MAN2A1: variants seen among roughly 807,000 people sequenced by gnomAD.
MAN2A1 encodes mannosidase alpha class 2A member 1, also known as alpha-mannosidase 2.
A neutral mutation model predicts 142.6 loss-of-function variants in MAN2A1; 76 were observed. The ratio of observed to expected loss-of-function variants is 0.53; its 90% CI spans 0.44 to 0.65. The LOEUF (loss-of-function observed/expected upper bound fraction) is 0.65, where lower values mean the gene tolerates loss of function less well. Among genes scored for constraint, MAN2A1 ranks in the 30% least tolerant of loss-of-function variants. The pLI is 0.00. For synonymous variants in MAN2A1, 559 were observed against 473.2 expected (o/e 1.18, Z -2.35); for missense variants, 1,311 against 1,365.1 (o/e 0.96, Z 0.62).
In MAN2A1 at chr5:109,789,009, C is replaced by A; in HGVS notation, c.1836C>A (p.Leu612=). The A allele has an allele frequency of 6.2e-7, 1 of 1,602,060 alleles. No individual in the cohort carries two copies. The highest frequency in any genetic ancestry group is 8.5e-7 in the Non-Finnish European group (1 of 1,170,676). ...TTCTTCTTATTTTGAAGGACAAACT[C>A]ACATACGACTCTTACTCTCCTGATA... The part of the protein sequence containing the change: ...SAFLLILKDK[L]TYDSYSPDTF... The change falls in exon 11 of 22, where the codon CTC becomes CTA. Residue 612 remains leucine, a synonymous_variant. Transcript: ENST00000261483.
intron 1 of MAN2A1, among the ~76,000 whole-genome samples, chr5:109,694,167 C>T (rs77409455): frequency 0.02 from 3,083 of 152,092 alleles, 53 homozygotes; most frequent in Non-Finnish European, 0.031. Context: ...AGCATATGAC[C>T]GTAGAGATTA....
chr5:109,694,008 T>C lies in MAN2A1; in HGVS notation c.135+3456T>C, dbSNP rs994438347. On this transcript the variant is annotated intron_variant, in intron 1 of 21. Coordinates refer to ENST00000261483, the MANE Select transcript of MAN2A1 (RefSeq NM_002372.4). ...AGGTCTCCCTGAAATTAGTCATCAC[T>C]TCTTACAAGCAGATTTCACAAGGTG... is the stretch of plus-strand genomic sequence containing the variant. 2.0e-5 allele frequency among the ~76,000 whole-genome samples: 3 copies of C among 152,252 alleles called. No individual in the cohort carries two copies. In the East Asian group the frequency reaches 5.8e-4, roughly 29 times the overall value.
chr5:109,746,750 A>T (rs1272396845), intron 4 of MAN2A1, among the ~76,000 whole-genome samples: 1 of 152,160 alleles, frequency 6.6e-6, no homozygotes, highest in African/African-American at 2.4e-5. Context: ...CAAACTTTGT[A>T]CCTGTTGAAC....
intron 19 of MAN2A1, chr5:109,854,635 T>G (rs1561544558): frequency 6.6e-6 from 1 of 152,218 alleles, no homozygotes; most frequent in Non-Finnish European, 1.5e-5. Flanking sequence ...TGGGTAACAT[T>G]TAGTTCCTAT....
At chr5:109,806,530 T>G (rs1054205752) in intron 12 of MAN2A1, among the ~76,000 whole-genome samples, 1 of 152,248 alleles carries the variant, frequency 6.6e-6, no homozygotes, top group Non-Finnish European at 1.5e-5. Flanking sequence ...TTTGACTTAC[T>G]GCTTTGTCTG....
At chr5:109,819,109 G>A (rs1198137602) in intron 13 of MAN2A1, among the ~76,000 whole-genome samples, 4 of 151,962 alleles carry the variant, frequency 2.6e-5, no homozygotes, top group East Asian at 1.9e-4. Flanking sequence ...TCTATTTTTC[G>A]CTTTCAGTAT....
intron 16 of MAN2A1, among the ~76,000 whole-genome samples, chr5:109,838,614 A>G (rs1158994889): frequency 2.0e-5 from 3 of 152,196 alleles, no homozygotes; most frequent in Admixed American, 6.5e-5. Context: ...ACTCTTTCAC[A>G]TATACTGATC....
At chr5:109,787,455 T>C (rs1297469147) in intron 10 of MAN2A1, among the ~76,000 whole-genome samples, 1 of 152,052 alleles carries the variant, frequency 6.6e-6, no homozygotes, top group Middle Eastern at 3.2e-3. Context: ...TAATGAAATG[T>C]TGAAACGTTT....
At chr5:109,866,777 GA>G (rs1417469742) in intron 21 of MAN2A1, 68 bp from the exon 22 acceptor site, 1 of 1,015,366 alleles carries the variant, frequency 9.8e-7, no homozygotes, top group Non-Finnish European at 1.5e-6. Flanking sequence ...AATTTTCACA[GA>G]ATATGTAGTT....
intron 8 of MAN2A1, among the ~76,000 whole-genome samples, chr5:109,779,922 A>C (rs1753406179): frequency 6.6e-6 from 1 of 152,158 alleles, no homozygotes; most frequent in Non-Finnish European, 1.5e-5. Flanking sequence ...AATATATTGC[A>C]CCACAACTAG....
chr5:109,827,759 T>A (rs1754793945), intron 16 of MAN2A1, among the ~76,000 whole-genome samples: 1 of 152,180 alleles, frequency 6.6e-6, no homozygotes, highest in Admixed American at 6.6e-5. Flanking sequence ...TTAGAAGAAA[T>A]CTTGTGCTCA....
At chr5:109,842,699 T>A (rs1391592000) in intron 17 of MAN2A1, among the ~76,000 whole-genome samples, 1 of 152,236 alleles carries the variant, frequency 6.6e-6, no homozygotes, top group East Asian at 1.9e-4. Flanking sequence ...AAGGGTAAAT[T>A]TGGTGACCAC....
chr5:109,826,086 A>C (rs1754751955), intron 16 of MAN2A1, among the ~76,000 whole-genome samples: 1 of 150,658 alleles, frequency 6.6e-6, no homozygotes, highest in African/African-American at 2.4e-5. Context: ...TTCTATTTTT[A>C]GTAGGGATGG....
intron 15 of MAN2A1, among the ~76,000 whole-genome samples, chr5:109,821,556 T>G (rs996384274): frequency 5.3e-5 from 8 of 152,182 alleles, no homozygotes; most frequent in Non-Finnish European, 1.0e-4. Context: ...TTTTTGAGAT[T>G]AACTCTAAAA....
At chr5:109,706,842 T>C (rs1313449601) in intron 1 of MAN2A1, among the ~76,000 whole-genome samples, 2 of 152,208 alleles carry the variant, frequency 1.3e-5, no homozygotes, top group South Asian at 2.1e-4. Context: ...TTTTGAATGC[T>C]GCTATCGGTG....
chr5:109,765,773 T>C (rs896548944), intron 5 of MAN2A1, among the ~76,000 whole-genome samples: 8 of 152,156 alleles, frequency 5.3e-5, no homozygotes, highest in Non-Finnish European at 1.0e-4. Flanking sequence ...TAATGCATTA[T>C]TTATTTTCAC....
intron 1 of MAN2A1, among the ~76,000 whole-genome samples, chr5:109,707,938 G>A (rs1751182206): frequency 6.6e-6 from 1 of 152,156 alleles, no homozygotes; most frequent in African/African-American, 2.4e-5. Context: ...GCATCAGGCA[G>A]GTATTTGAAT....
rs1753032468 is a variant in MAN2A1 at position 109,767,726 on chromosome 5, A to G, written c.1009+18A>G. ...GAATTGGGGTATGTAGGGTTTGATG[A>G]AAGTTGATCCCATTTGGCCTAGATA... On this transcript the variant is annotated intron_variant, in intron 6 of 21. Coordinates refer to ENST00000261483, the MANE Select transcript of MAN2A1 (RefSeq NM_002372.4). 1.2e-6 allele frequency: 2 copies of G among 1,602,724 alleles called. No homozygotes were observed. Among genetic ancestry groups the G allele is most frequent in the Non-Finnish European group, 1.7e-6 (2 of 1,176,854 alleles).
At chr5:109,760,680 G>T (rs537030209) in intron 5 of MAN2A1, among the ~76,000 whole-genome samples, 1 of 152,274 alleles carries the variant, frequency 6.6e-6, no homozygotes, top group South Asian at 2.1e-4. Flanking sequence ...TCTAACTGGG[G>T]TGAGATGGTA....
Sources: allele counts gnomAD v4.1 joint callset (sites outside exome capture counted in the v4.1 genomes callset), GRCh38; gene constraint gnomAD v4.1.1; transcripts MANE v1.5; gene names NCBI Gene and HGNC (gene_info 2026-07-23, HGNC 2026-07-21).